FRMD5: variants seen among roughly 807,000 people sequenced by gnomAD.
The protein encoded by FRMD5 is FERM domain containing 5.
FRMD5 carries 20 observed loss-of-function variants against 69.0 expected under a neutral mutation model. The ratio of observed to expected loss-of-function variants is 0.29; its 90% CI spans 0.20 to 0.42. The LOEUF is 0.42. Among genes scored for constraint, FRMD5 ranks in the 10% least tolerant of loss-of-function variants. The pLI, the probability that FRMD5 is intolerant of heterozygous loss-of-function variation, is 1.00. For synonymous variants in FRMD5, 271 were observed against 260.1 expected, an observed-to-expected ratio of 1.04 and a Z score of -0.40; for missense variants, 595 against 708.6, an observed-to-expected ratio of 0.84 and a Z score of 1.82.
chr15:44,086,711 T>C (rs1392798260), intron 1 of FRMD5, among the ~76,000 whole-genome samples: 1 of 152,206 alleles, frequency 6.6e-6, no homozygotes, highest in Non-Finnish European at 1.5e-5. Flanking sequence ...TTTTATATTA[T>C]GTGTATTTAC....
At chr15:44,053,982 G>A (rs571232056) in intron 1 of FRMD5, among the ~76,000 whole-genome samples, 6 of 152,282 alleles carry the variant, frequency 3.9e-5, no homozygotes, top group South Asian at 2.1e-4. Context: ...AGGATTAAAC[G>A]TCATCACATG....
chr15:44,026,563 C>T (rs1440237139), intron 1 of FRMD5, among the ~76,000 whole-genome samples: 4 of 152,078 alleles, frequency 2.6e-5, no homozygotes, highest in East Asian at 3.9e-4. Context: ...AACTGAACTA[C>T]GAATCTGTTA....
At chr15:43,909,622 A>T (rs936766384) in intron 5 of FRMD5, among the ~76,000 whole-genome samples, 1 of 152,042 alleles carries the variant, frequency 6.6e-6, no homozygotes, top group Non-Finnish European at 1.5e-5. Flanking sequence ...CTGGGACTAC[A>T]GGTGTGTGCC....
chr15:43,961,431 A>C (rs1595563356), intron 1 of FRMD5, among the ~76,000 whole-genome samples: 2 of 152,286 alleles, frequency 1.3e-5, no homozygotes, highest in East Asian at 3.9e-4. Flanking sequence ...CAACCAAAAA[A>C]AGTCCAGGAC....
intron 1 of FRMD5, among the ~76,000 whole-genome samples, chr15:43,964,329 T>C (rs2090256261): frequency 6.6e-6 from 1 of 151,800 alleles, no homozygotes; most frequent in African/African-American, 2.4e-5. Context: ...TTTCCTGAAC[T>C]TTTTTTCTTT....
chr15:44,142,935 C>T (rs1299465784), intron 1 of FRMD5, among the ~76,000 whole-genome samples: 1 of 151,820 alleles, frequency 6.6e-6, no homozygotes, highest in Non-Finnish European at 1.5e-5. Flanking sequence ...CTAAAATATA[C>T]AAAAATTAGC....
chr15:44,152,223 C>T (rs1188425361), intron 1 of FRMD5, among the ~76,000 whole-genome samples: 1 of 152,082 alleles, frequency 6.6e-6, no homozygotes, highest in Non-Finnish European at 1.5e-5. Flanking sequence ...CAAAACAAAA[C>T]TATATTTTCC....
At position 44,182,080 on chromosome 15, in the gene FRMD5, G is replaced by A. The variant is rs374721857; in HGVS notation, c.102+12873C>T. 1.7e-4 allele frequency among the ~76,000 whole-genome samples: 25 copies of A among 149,694 alleles called. 1 individual carries two copies. The highest frequency in any genetic ancestry group is 5.9e-4 in the East Asian group (3 of 5,088). ...GGCTGAAGTCTAGTGGTGCGATCTC[G>A]GCTCACTGCAACCTCCATCTCCCAG... On this transcript the variant is annotated intron_variant, in intron 1 of 13. Transcript: ENST00000417257.
intron 1 of FRMD5, among the ~76,000 whole-genome samples, chr15:43,957,573 T>C (rs2090134824): frequency 6.6e-6 from 1 of 152,280 alleles, no homozygotes; most frequent in Non-Finnish European, 1.5e-5. Flanking sequence ...CAATTTCTAA[T>C]CTTTGGTTCT....
At chr15:44,017,862 T>C (rs1181010868) in intron 1 of FRMD5, among the ~76,000 whole-genome samples, 1 of 151,804 alleles carries the variant, frequency 6.6e-6, no homozygotes, top group Non-Finnish European at 1.5e-5. Flanking sequence ...GCCCGCCTCA[T>C]CCTCCCAAAG....
At chr15:44,015,828 T>C (rs1890933031) in intron 1 of FRMD5, among the ~76,000 whole-genome samples, 1 of 152,236 alleles carries the variant, frequency 6.6e-6, no homozygotes, top group African/African-American at 2.4e-5. Context: ...TGCCCAGTAT[T>C]CAAGGATCAG....
At chr15:43,920,896 TC>T (rs2089482143) in intron 2 of FRMD5, among the ~76,000 whole-genome samples, 1 of 152,354 alleles carries the variant, frequency 6.6e-6, no homozygotes, top group Admixed American at 6.5e-5. Context: ...GCAGTCAGCA[TC>T]CTGGCCTCCC....
At chr15:44,158,860 CTTCA>C (rs1456540263) in intron 1 of FRMD5, among the ~76,000 whole-genome samples, 2 of 152,164 alleles carry the variant, frequency 1.3e-5, no homozygotes, top group Non-Finnish European at 2.9e-5. Flanking sequence ...CAGTCAGACT[CTTCA>C]TTCAAAGACC....
rs1366501250 is a variant in FRMD5, at chr15:43,872,681, C to T, written c.*1204G>A. 1 of 154,732 alleles carries T rather than the reference C, an allele frequency of 6.5e-6. No homozygotes were observed. Among genetic ancestry groups the T allele is most frequent in the African/African-American group, 2.4e-5 (1 of 41,462 alleles). 9.6% of individuals were successfully genotyped at this position (154,732 alleles called of 1,614,324 possible). Reference sequence around the variant, plus strand: ...ACGGTCACATTCTGTGTTTTGTAGGCATCTCTTAGAAATCTATTTTAAAAG... The same window carrying T: ...ACGGTCACATTCTGTGTTTTGTAGGTATCTCTTAGAAATCTATTTTAAAAG... On this transcript the variant is annotated 3_prime_UTR_variant, in exon 14 of 14. Transcript: ENST00000417257.
At chr15:43,941,217 A>G (rs1274641762) in intron 1 of FRMD5, among the ~76,000 whole-genome samples, 1 of 152,134 alleles carries the variant, frequency 6.6e-6, no homozygotes, top group African/African-American at 2.4e-5. Context: ...AAATACAAAA[A>G]ATTAGCCAGG....
rs974736205 is a variant in FRMD5, at chr15:43,972,107, A to G, written c.103-47798T>C. Reference sequence around the variant, plus strand: ...ATATATATAAAGATTTTCAGTAGAAAATATTTTAATGGTGCTTAACCTCCA... The same window carrying G: ...ATATATATAAAGATTTTCAGTAGAAGATATTTTAATGGTGCTTAACCTCCA... On this transcript the variant is annotated intron_variant, in intron 1 of 13. Coordinates refer to ENST00000417257, the MANE Select transcript of FRMD5 (RefSeq NM_032892.5). Among the ~76,000 whole-genome samples the G allele has an allele frequency of 5.4e-5, 8 of 149,244 alleles. No individual in the cohort carries two copies. In the South Asian group the frequency reaches 8.4e-4, roughly 16 times the overall value.
At chr15:44,194,895 G>A (rs1465271104) in intron 1 of FRMD5, 58 bp downstream of exon 1, 7 of 1,418,500 alleles carry the variant, frequency 4.9e-6, no homozygotes, top group African/African-American at 1.5e-5. Flanking sequence ...CGGCCAAGTT[G>A]ACCAGACTTG....
At chr15:43,882,735 C>A (rs781162405) in intron 13 of FRMD5, among the ~76,000 whole-genome samples, 9 of 152,112 alleles carry the variant, frequency 5.9e-5, no homozygotes, top group Non-Finnish European at 1.0e-4. Context: ...AGTGAAAATT[C>A]TTGGTTAACA....
At chr15:44,042,304 A>G (rs1286567194) in intron 1 of FRMD5, among the ~76,000 whole-genome samples, 3 of 152,226 alleles carry the variant, frequency 2.0e-5, no homozygotes. Context: ...CCAATCAAAA[A>G]AAGTCCAGGA....
Sources: allele counts gnomAD v4.1 joint callset (sites outside exome capture counted in the v4.1 genomes callset), GRCh38; gene constraint gnomAD v4.1.1; transcripts MANE v1.5; gene names NCBI Gene and HGNC (gene_info 2026-07-23, HGNC 2026-07-21).